Variants in LINGO2 observed in about 807,000 individuals in gnomAD.
LINGO2 encodes leucine rich repeat and Ig domain containing 2.
LINGO2 carries 14 observed loss-of-function variants against 30.6 expected under a neutral mutation model. The ratio of observed to expected loss-of-function variants is 0.46; its 90% CI spans 0.30 to 0.72. The LOEUF (loss-of-function observed/expected upper bound fraction) is 0.72, where lower values mean the gene tolerates loss of function less well. LINGO2 is among the 30% of genes least tolerant of loss of function. The pLI, the probability that LINGO2 is intolerant of heterozygous loss-of-function variation, is 0.07. For synonymous variants in LINGO2, 317 were observed against 288.5 expected (o/e 1.10, Z -1.00); for missense variants, 729 against 751.7 (o/e 0.97, Z 0.35).
the LINGO2 span, among the ~76,000 whole-genome samples, chr9:28,962,963 C>T: frequency 6.6e-6 from 1 of 151,938 alleles, no homozygotes; most frequent in Middle Eastern, 3.4e-3. Flanking sequence ...GCTACTTATC[C>T]TTGAAGGTTT....
At chr9:28,496,253 A>G (rs935264384) in intron 1 of LINGO2, among the ~76,000 whole-genome samples, 1 of 152,064 alleles carries the variant, frequency 6.6e-6, no homozygotes, top group African/African-American at 2.4e-5. Context: ...TAATGTTGAC[A>G]GTGGGGTGTT....
intron 4 of LINGO2, among the ~76,000 whole-genome samples, chr9:28,024,444 A>G (rs1419986826): frequency 6.6e-6 from 1 of 152,110 alleles, no homozygotes; most frequent in Admixed American, 6.5e-5. Flanking sequence ...GGCTCTTCTT[A>G]GCTCAGTTTG....
At chr9:28,507,577 A>T (rs536334431) in intron 1 of LINGO2, among the ~76,000 whole-genome samples, 3 of 152,300 alleles carry the variant, frequency 2.0e-5, no homozygotes, top group Non-Finnish European at 2.9e-5. Context: ...AAAGATGTCC[A>T]AGATAGGTTA....
chr9:29,212,248 C>T, the LINGO2 span, among the ~76,000 whole-genome samples: 1 of 151,956 alleles, frequency 6.6e-6, no homozygotes, highest in East Asian at 1.9e-4. Context: ...ACGTCCCCCG[C>T]CCCTGCCGCG....
chr9:28,433,342 C>T (rs563724985), intron 2 of LINGO2, among the ~76,000 whole-genome samples: 1 of 152,162 alleles, frequency 6.6e-6, no homozygotes, highest in African/African-American at 2.4e-5. Context: ...AAAACTCTTC[C>T]ACTTCTTATT....
chr9:29,160,417 G>C, the LINGO2 span, among the ~76,000 whole-genome samples: 1 of 152,138 alleles, frequency 6.6e-6, no homozygotes, highest in Non-Finnish European at 1.5e-5. Flanking sequence ...TTAAAGGGGG[G>C]CAATAATAAC....
At chr9:28,940,645 A>G in the LINGO2 span, among the ~76,000 whole-genome samples, 1 of 152,200 alleles carries the variant, frequency 6.6e-6, no homozygotes, top group Non-Finnish European at 1.5e-5. Context: ...TATAACAAAC[A>G]TTAAAACTTT....
intron 4 of LINGO2, among the ~76,000 whole-genome samples, chr9:28,235,122 C>T (rs1821513889): frequency 6.6e-6 from 1 of 152,122 alleles, no homozygotes; most frequent in Admixed American, 6.5e-5. Context: ...GTGGTGGTGG[C>T]CACAAGGGTG....
At chr9:28,400,147 G>A (rs1822203591) in intron 2 of LINGO2, among the ~76,000 whole-genome samples, 1 of 152,146 alleles carries the variant, frequency 6.6e-6, no homozygotes, top group Non-Finnish European at 1.5e-5. Context: ...TTTGGCACCG[G>A]AAAGACCAGC....
At chr9:27,968,641 ATT>A (rs1026803046) in intron 5 of LINGO2, among the ~76,000 whole-genome samples, 1 of 151,792 alleles carries the variant, frequency 6.6e-6, no homozygotes, top group African/African-American at 2.4e-5. Context: ...TATTGCACTG[ATT>A]TTGAGGAAAC....
At chr9:28,527,997 G>T (rs984702861) in intron 1 of LINGO2, among the ~76,000 whole-genome samples, 26 of 152,264 alleles carry the variant, frequency 1.7e-4, no homozygotes, top group Non-Finnish European at 2.2e-4. Flanking sequence ...CTAATTATCA[G>T]TAAATAATGT....
At chr9:28,154,339 C>G (rs1828078224) in intron 4 of LINGO2, among the ~76,000 whole-genome samples, 1 of 152,082 alleles carries the variant, frequency 6.6e-6, no homozygotes, top group Non-Finnish European at 1.5e-5. Context: ...TAAAGTTCAC[C>G]CCCTTCTCTG....
intron 3 of LINGO2, among the ~76,000 whole-genome samples, chr9:28,346,177 T>C (rs1043038571): frequency 3.3e-5 from 5 of 152,160 alleles, no homozygotes; most frequent in Admixed American, 2.0e-4. Context: ...GCCTAGTACA[T>C]GGTTACTGGT....
At chr9:28,177,925 T>C (rs1161888933) in intron 4 of LINGO2, among the ~76,000 whole-genome samples, 1 of 152,196 alleles carries the variant, frequency 6.6e-6, no homozygotes, top group Non-Finnish European at 1.5e-5. Context: ...AAATACTCTT[T>C]ACATTTTCTT....
intron 1 of LINGO2, among the ~76,000 whole-genome samples, chr9:28,535,733 C>G (rs569818299): frequency 6.6e-6 from 1 of 152,082 alleles, no homozygotes; most frequent in South Asian, 2.1e-4. Flanking sequence ...GACGCACACA[C>G]ACACACACAC....
intron 2 of LINGO2, among the ~76,000 whole-genome samples, chr9:28,420,343 C>T (rs1823143262): frequency 1.3e-5 from 2 of 151,984 alleles, no homozygotes; most frequent in Non-Finnish European, 2.9e-5. Context: ...ATTAGCAATG[C>T]CATTTATAGT....
intron 2 of LINGO2, among the ~76,000 whole-genome samples, chr9:28,373,813 T>C (rs925022390): frequency 2.6e-5 from 4 of 151,642 alleles, no homozygotes; most frequent in African/African-American, 9.7e-5. Context: ...GGCAGGAGAA[T>C]TGCTTGAACT....
chr9:28,250,399 G>A (rs543694002), intron 4 of LINGO2, among the ~76,000 whole-genome samples: 4 of 152,154 alleles, frequency 2.6e-5, no homozygotes, highest in Non-Finnish European at 5.9e-5. Flanking sequence ...GAGTTTCCTT[G>A]GTTTTCTTTT....
intron 4 of LINGO2, among the ~76,000 whole-genome samples, chr9:28,122,082 G>C (rs564079252): frequency 2.8e-4 from 42 of 152,236 alleles, no homozygotes; most frequent in African/African-American, 1.0e-3. Flanking sequence ...CACAAAACTA[G>C]CGCATGATAC....
Sources: allele counts gnomAD v4.1 joint callset (sites outside exome capture counted in the v4.1 genomes callset), GRCh38; gene constraint gnomAD v4.1.1; transcripts MANE v1.5; gene names NCBI Gene and HGNC (gene_info 2026-07-23, HGNC 2026-07-21).